The following GSE1 variants were observed in gnomAD, a reference collection of about 807,000 sequenced individuals.
The protein encoded by GSE1 is Gse1 coiled-coil protein.
In GSE1, 32 loss-of-function variants were observed where a neutral mutation model predicts 112.6. The ratio of observed to expected loss-of-function variants is 0.28; its 90% CI spans 0.21 to 0.38. The LOEUF (loss-of-function observed/expected upper bound fraction) is 0.38, where lower values mean the gene tolerates loss of function less well. Ranked by LOEUF, GSE1 falls within the 10% of genes least tolerant of loss-of-function variation. GSE1 has a pLI of 1.00. For synonymous variants in GSE1, 1,115 were observed against 735.6 expected, an observed-to-expected ratio of 1.52 and a Z score of -8.35; for missense variants, 2,348 against 1,699.2, an observed-to-expected ratio of 1.38 and a Z score of -6.71.
intron 2 of GSE1, chr16:85,490,290 G>C (rs2050968738): frequency 6.6e-6 from 1 of 152,276 alleles, no homozygotes; most frequent in Non-Finnish European, 1.5e-5. Context: ...GTGGGCAGGT[G>C]GGGCCTTCAC....
intron 1 of GSE1, among the ~76,000 whole-genome samples, chr16:85,273,865 T>A (rs2144202563): frequency 6.9e-6 from 1 of 145,788 alleles, no homozygotes; most frequent in South Asian, 2.2e-4. Flanking sequence ...AATTTTGTAT[T>A]TTTTTTTTTT....
intron 2 of GSE1, among the ~76,000 whole-genome samples, chr16:85,510,159 A>C (rs1006287877): frequency 1.3e-5 from 2 of 152,104 alleles, no homozygotes; most frequent in African/African-American, 4.8e-5. Flanking sequence ...CTCTCCCATC[A>C]TTAGGGGGCC....
At chr16:85,299,833 G>T (rs920448836) in intron 1 of GSE1, among the ~76,000 whole-genome samples, 2 of 151,692 alleles carry the variant, frequency 1.3e-5, no homozygotes, top group Non-Finnish European at 2.9e-5. Context: ...CTAATCAGGA[G>T]GCAGAGGCAG....
At chr16:85,417,908 C>T (rs12931256) in intron 2 of GSE1, among the ~76,000 whole-genome samples, 31,266 of 152,084 alleles carry the variant, frequency 0.21, 3,322 homozygotes, top group Middle Eastern at 0.29. Flanking sequence ...GGCTCGATCT[C>T]GGCTCACTGC....
intron 2 of GSE1, among the ~76,000 whole-genome samples, chr16:85,527,980 T>C (rs2052416979): frequency 6.6e-6 from 1 of 152,174 alleles, no homozygotes; most frequent in South Asian, 2.1e-4. Flanking sequence ...TGTTCTGTTC[T>C]CACACTCCAG....
intron 1 of GSE1, among the ~76,000 whole-genome samples, chr16:85,249,087 A>T (rs893774519): frequency 6.6e-6 from 1 of 152,210 alleles, no homozygotes; most frequent in African/African-American, 2.4e-5. Flanking sequence ...CAGACACTTC[A>T]TGTTCCAAGT....
At chr16:85,349,392 G>A (rs997177179) in intron 1 of GSE1, among the ~76,000 whole-genome samples, 1 of 152,148 alleles carries the variant, frequency 6.6e-6, no homozygotes, top group African/African-American at 2.4e-5. Flanking sequence ...GAATGTCTTC[G>A]TAGGTGGGCT....
chr16:85,327,527 C>T (rs563560528), intron 1 of GSE1, among the ~76,000 whole-genome samples: 11 of 152,210 alleles, frequency 7.2e-5, no homozygotes, highest in East Asian at 3.9e-4. Context: ...CATTTGAACC[C>T]GGGAGGCAGA....
rs1567735660 is a variant in GSE1, at chr16:85,656,348, A to T, written c.995A>T (p.Gln332Leu). 3.1e-6 allele frequency: 5 copies of T among 1,610,592 alleles called. No individual in the cohort carries two copies. ...ACTCTTTCCATGTGCTGCAGGCTGC[A>T]GATGGACGAGGAGCTAAGGCGGGAG... ...RMSGLSAERL[Q>L]MDEELRRERE... The change falls in exon 7 of 16, where the codon CAG (glutamine) becomes CTG (leucine). Residue 332 changes from glutamine to leucine, a missense_variant. By Grantham distance (113) the Gln-to-Leu change is moderately radical. Coordinates refer to ENST00000253458, the MANE Select transcript of GSE1 (RefSeq NM_014615.5).
At chr16:85,250,471 C>T (rs1906350292) in intron 1 of GSE1, among the ~76,000 whole-genome samples, 1 of 152,206 alleles carries the variant, frequency 6.6e-6, no homozygotes, top group African/African-American at 2.4e-5. Flanking sequence ...CAGGGCCAGG[C>T]CTCCCCCGAC....
intron 1 of GSE1, among the ~76,000 whole-genome samples, chr16:85,320,961 A>G (rs936430580): frequency 2.0e-5 from 3 of 152,148 alleles, no homozygotes; most frequent in Admixed American, 6.5e-5. Context: ...ACCTCCTAGA[A>G]ATCACACTCC....
intron 2 of GSE1, among the ~76,000 whole-genome samples, chr16:85,363,332 C>G (rs150504154): frequency 2.0e-5 from 3 of 152,318 alleles, no homozygotes; most frequent in African/African-American, 7.2e-5. Flanking sequence ...TTGGGGCAGT[C>G]TATGGGTTCC....
intron 1 of GSE1, among the ~76,000 whole-genome samples, chr16:85,274,409 A>T (rs1039816768): frequency 3.3e-5 from 5 of 152,170 alleles, no homozygotes; most frequent in Admixed American, 2.0e-4. Context: ...TAAATAAAAT[A>T]AAATAAATAA....
chr16:85,555,252 C>G (rs1440760533), upstream of GSE1: 16 of 985,416 alleles, frequency 1.6e-5, no homozygotes, highest in East Asian at 1.6e-3. Context: ...GGCTCTCCAC[C>G]GCCGTGCGCT....
chr16:85,605,855 G>A (rs1413735113), intron 1 of GSE1, among the ~76,000 whole-genome samples: 1 of 151,900 alleles, frequency 6.6e-6, no homozygotes, highest in African/African-American at 2.4e-5. Context: ...AGCAGGCTGG[G>A]CTCATGGGCG....
rs575044349 is a variant in GSE1 at position 85,510,932 on chromosome 16, C to T, written c.2465-122982C>T. On this transcript the variant is annotated intron_variant, in intron 2 of 2. Coordinates refer to the GSE1 transcript ENST00000637419. Reference sequence around the variant, plus strand: ...TTATCCAAAAGCAGCCAACCTTGACCACTCTGTCAAAAACTGGGTCAAAAA... The same window carrying T: ...TTATCCAAAAGCAGCCAACCTTGACTACTCTGTCAAAAACTGGGTCAAAAA... Among the ~76,000 whole-genome samples, 53 of 152,324 alleles carry T rather than the reference C, an allele frequency of 3.5e-4. 1 individual carries two copies. Among genetic ancestry groups the T allele is most frequent in the Admixed American group, 3.1e-3 (48 of 15,302 alleles).
At position 85,673,600 on chromosome 16, in the gene GSE1, A is replaced by C. The variant is rs1004353175; in HGVS notation, c.*1061A>C. The C allele has an allele frequency of 6.6e-6, 1 of 152,186 alleles. No homozygotes were observed. Among genetic ancestry groups the C allele is most frequent in the African/African-American group, 2.4e-5 (1 of 41,432 alleles). 9.4% of individuals were successfully genotyped at this position (152,186 alleles called of 1,614,324 possible). On this transcript the variant is annotated 3_prime_UTR_variant, in exon 16 of 16. Transcript: ENST00000253458. Reference sequence around the variant, plus strand: ...GTAAAAGAGCTTACCACTGGCGCCTATGCGATCACTTCATTTTTAGTTTGA... The same window carrying C: ...GTAAAAGAGCTTACCACTGGCGCCTCTGCGATCACTTCATTTTTAGTTTGA...
chr16:85,371,020 A>C (rs529484322), intron 2 of GSE1, among the ~76,000 whole-genome samples: 1 of 152,208 alleles, frequency 6.6e-6, no homozygotes, highest in Admixed American at 6.5e-5. Flanking sequence ...CCTGCTCCAC[A>C]CCCTCGCGCT....
Position 85,514,297 on chromosome 16 carries a change from C to G in GSE1, c.2465-119617C>G, listed in dbSNP as rs528347197. 4.7e-5 allele frequency among the ~76,000 whole-genome samples: 7 copies of G among 150,136 alleles called. No individual in the cohort carries two copies. In the East Asian group the frequency reaches 1.4e-3, roughly 29 times the overall value. On this transcript the variant is annotated intron_variant, in intron 2 of 2. Coordinates refer to the GSE1 transcript ENST00000637419. ...CAGTTGAGATTCAGGGGAGAAGGGC[C>G]AGGAACCCCCAGGCCTTCCCTGGAA...
Sources: allele counts gnomAD v4.1 joint callset (sites outside exome capture counted in the v4.1 genomes callset), GRCh38; gene constraint gnomAD v4.1.1; transcripts MANE v1.5; gene names NCBI Gene and HGNC (gene_info 2026-07-23, HGNC 2026-07-21).